Variants in IDO2 observed in about 807,000 individuals in gnomAD.
The protein encoded by IDO2 is indoleamine 2,3-dioxygenase-like 1 protein.
Under a neutral mutation model 45.1 loss-of-function variants are expected in IDO2, and 46 were observed. The observed-to-expected ratio is 1.02, with a 90% CI of 0.80 to 1.30. The LOEUF (loss-of-function observed/expected upper bound fraction) is 1.30, where lower values mean the gene tolerates loss of function less well. Among genes scored for constraint, IDO2 ranks in the 50% most tolerant of loss-of-function variants. The pLI, the probability that IDO2 is intolerant of heterozygous loss-of-function variation, is 0.00. For missense variants in IDO2, 544 were observed against 491.8 expected (o/e 1.11, Z -1.00); for synonymous variants, 218 against 184.9 (o/e 1.18, Z -1.45).
chr8:40,003,692 TC>T (rs1397901809), intron 8 of IDO2, among the ~76,000 whole-genome samples: 3 of 152,182 alleles, frequency 2.0e-5, no homozygotes, highest in Non-Finnish European at 1.5e-5. Flanking sequence ...ATGCTTTGCT[TC>T]TTCATTTATA....
At chr8:40,004,567 A>ATAGT (rs55986019) in intron 8 of IDO2, among the ~76,000 whole-genome samples, 1 of 106,998 alleles carries the variant, frequency 9.3e-6, no homozygotes, top group Non-Finnish European at 2.0e-5. Flanking sequence ...AGATAGATAG[A>ATAGT]CGATAGATAG....
At chr8:39,941,005 G>T (rs1164452828) in intron 1 of IDO2, among the ~76,000 whole-genome samples, 1 of 150,902 alleles carries the variant, frequency 6.6e-6, no homozygotes, top group Non-Finnish European at 1.5e-5. Flanking sequence ...CGGATCACCT[G>T]AGGTCAGGAG....
intron 9 of IDO2, among the ~76,000 whole-genome samples, chr8:40,010,251 T>G (rs1469493821): frequency 6.6e-6 from 1 of 151,538 alleles, no homozygotes; most frequent in East Asian, 1.9e-4. Context: ...AGTGAGGGAG[T>G]GAGCCGCCAA....
At chr8:39,971,403 C>T (rs1345556054) in intron 3 of IDO2, among the ~76,000 whole-genome samples, 1 of 152,158 alleles carries the variant, frequency 6.6e-6, no homozygotes, top group African/African-American at 2.4e-5. Flanking sequence ...TGGAGATATA[C>T]AGGAAATAAA....
chr8:39,944,301 A>G (rs1033649975), intron 1 of IDO2, among the ~76,000 whole-genome samples: 5 of 152,188 alleles, frequency 3.3e-5, no homozygotes, highest in Admixed American at 6.5e-5. Context: ...GTGAACCACT[A>G]CACCCAGCCC....
intron 8 of IDO2, among the ~76,000 whole-genome samples, chr8:39,990,717 A>G (rs1563436812): frequency 6.6e-6 from 1 of 152,200 alleles, no homozygotes; most frequent in Admixed American, 6.5e-5. Flanking sequence ...ATTATGGCAC[A>G]TGTATTCCCA....
intron 3 of IDO2, 84 bp downstream of exon 3, chr8:39,963,787 T>C (rs1327952745): frequency 3.8e-6 from 3 of 784,326 alleles, no homozygotes; most frequent in Non-Finnish European, 6.3e-6. Context: ...AGTGTGTCAA[T>C]TGTCCTGGGA....
At chr8:39,963,040 G>A (rs893677104) in intron 2 of IDO2, among the ~76,000 whole-genome samples, 3 of 152,186 alleles carry the variant, frequency 2.0e-5, no homozygotes, top group Non-Finnish European at 2.9e-5. Context: ...TTGAAGGTGG[G>A]TTTCACAGGG....
intron 1 of IDO2, among the ~76,000 whole-genome samples, chr8:39,941,337 T>C (rs1807640396): frequency 6.6e-6 from 1 of 151,870 alleles, no homozygotes; most frequent in Non-Finnish European, 1.5e-5. Context: ...AAGAAAGTAT[T>C]TTGGAAAAAT....
intron 4 of IDO2, among the ~76,000 whole-genome samples, chr8:39,980,594 G>A (rs1044646304): frequency 3.9e-5 from 6 of 151,998 alleles, no homozygotes; most frequent in Non-Finnish European, 5.9e-5. Context: ...AGTTACCCAT[G>A]TCCTAGAACT....
chr8:39,999,564 C>T (rs1487930003), intron 8 of IDO2, among the ~76,000 whole-genome samples: 1 of 151,920 alleles, frequency 6.6e-6, no homozygotes, highest in Non-Finnish European at 1.5e-5. Context: ...CAGGCCTGAG[C>T]CACCACGCCT....
At chr8:39,937,553 CAT>C (rs1453324235) in intron 1 of IDO2, among the ~76,000 whole-genome samples, 1 of 149,748 alleles carries the variant, frequency 6.7e-6, no homozygotes, top group Non-Finnish European at 1.5e-5. Flanking sequence ...CAAGGTGTCA[CAT>C]TGTCTCTCAG....
chr8:39,952,109 C>T lies in IDO2; in HGVS notation c.99+2845C>T, dbSNP rs989474234. Among the ~76,000 whole-genome samples the T allele has an allele frequency of 7.9e-5, 12 of 152,190 alleles. 1 individual carries two copies. Among genetic ancestry groups the T allele is most frequent in the Non-Finnish European group, 1.6e-4 (11 of 68,038 alleles). The stretch of plus-strand genomic sequence containing the variant: ...ATTGGTGTGACCATTTTCAACTGCT[C>T]CCTTTCTGGGAAGAGGTAGCAGACG... On this transcript the variant is annotated intron_variant, in intron 2 of 10. Coordinates refer to ENST00000502986, the Ensembl canonical transcript of IDO2.
chr8:39,960,275 C>T (rs1807971693), intron 2 of IDO2, among the ~76,000 whole-genome samples: 1 of 152,190 alleles, frequency 6.6e-6, no homozygotes, highest in Admixed American at 6.5e-5. Flanking sequence ...TCTTCACTCC[C>T]ATCTGCTAAG....
intron 1 of IDO2, among the ~76,000 whole-genome samples, chr8:39,947,994 G>A (rs1807764158): frequency 1.3e-5 from 2 of 152,036 alleles, no homozygotes; most frequent in South Asian, 4.1e-4. Context: ...TCCATGATGA[G>A]GCTGGTCTCA....
intron 3 of IDO2, among the ~76,000 whole-genome samples, chr8:39,967,691 T>C (rs1318710502): frequency 1.3e-5 from 2 of 152,220 alleles, no homozygotes; most frequent in Non-Finnish European, 2.9e-5. Context: ...TTTCACCATG[T>C]TGGCCAGGCT....
intron 8 of IDO2, among the ~76,000 whole-genome samples, chr8:39,997,323 A>G (rs1802061255): frequency 6.6e-6 from 1 of 152,190 alleles, no homozygotes; most frequent in Non-Finnish European, 1.5e-5. Flanking sequence ...CTTACGGAAG[A>G]ATAAACTCTC....
intron 10 of IDO2, 93 bp from the exon 11 acceptor site, chr8:40,015,154 A>T: frequency 1.6e-6 from 1 of 623,538 alleles, no homozygotes; most frequent in Non-Finnish European, 2.4e-6. Flanking sequence ...GATCTCATCT[A>T]GAGAAAAAAA....
chr8:39,951,499 G>A (rs56055654), intron 2 of IDO2, among the ~76,000 whole-genome samples: 30,493 of 152,052 alleles, frequency 0.2, 3,318 homozygotes, highest in South Asian at 0.32. Context: ...GTCACGCTAA[G>A]TTGCACTTAA....
Sources: gnomAD v4.1 joint callset for allele counts (sites outside exome capture counted in the v4.1 genomes callset) on GRCh38, gnomAD v4.1.1 for gene constraint, MANE v1.5 for transcripts, NCBI Gene and HGNC (gene_info 2026-07-23, HGNC 2026-07-21) for gene names.